MYCBP2: variants seen among roughly 807,000 people sequenced by gnomAD.
The protein encoded by MYCBP2 is MYC binding protein 2.
MYCBP2 carries 120 observed loss-of-function variants against 525.3 expected under a neutral mutation model. The ratio of observed to expected loss-of-function variants is 0.23; its 90% CI spans 0.20 to 0.27. The LOEUF is 0.27. Among genes scored for constraint, MYCBP2 ranks in the 10% least tolerant of loss-of-function variants. The probability of loss-of-function intolerance (pLI) is 1.00; values close to 1 mark genes in which losing one functional copy is unlikely to be tolerated. For missense variants in MYCBP2, 4,149 were observed against 5,657.1 expected (o/e 0.73, Z 8.55); for synonymous variants, 1,894 against 1,955.8 (o/e 0.97, Z 0.83).
chr13:77,112,149 G>A (rs774339328), intron 55 of MYCBP2, among the ~76,000 whole-genome samples: 54 of 151,818 alleles, frequency 3.6e-4, no homozygotes, highest in Non-Finnish European at 7.4e-4. Flanking sequence ...GAGCTGATAA[G>A]TGCTTCCTAT....
At chr13:77,116,971 A>C (rs1218790894) in intron 55 of MYCBP2, among the ~76,000 whole-genome samples, 3 of 152,042 alleles carry the variant, frequency 2.0e-5, no homozygotes, top group Non-Finnish European at 4.4e-5. Flanking sequence ...TTTCATTTAA[A>C]ACTGAATTTG....
intron 79 of MYCBP2, 131 bp downstream of exon 79, chr13:77,056,855 T>G (rs1010698551): frequency 2.3e-5 from 15 of 653,160 alleles, no homozygotes; most frequent in Non-Finnish European, 4.1e-5. Context: ...AGGTTCCACA[T>G]GAATGAGAAG....
At chr13:77,202,984 C>A (rs1198566542) in intron 26 of MYCBP2, among the ~76,000 whole-genome samples, 3 of 151,734 alleles carry the variant, frequency 2.0e-5, no homozygotes, top group African/African-American at 4.8e-5. Context: ...AAAACTGGCA[C>A]AAGACAGGGA....
chr13:77,074,906 G>A (rs2042022063), intron 68 of MYCBP2, among the ~76,000 whole-genome samples: 1 of 152,170 alleles, frequency 6.6e-6, no homozygotes, highest in Admixed American at 6.5e-5. Flanking sequence ...GGGGAGTGAT[G>A]TGTTTTAAAA....
intron 44 of MYCBP2, among the ~76,000 whole-genome samples, chr13:77,161,065 C>A (rs2057857946): frequency 6.6e-6 from 1 of 152,070 alleles, no homozygotes; most frequent in South Asian, 2.1e-4. Context: ...AAAATTTTCC[C>A]CATCACTGAT....
Position 77,146,643 on chromosome 13 carries a change from C to A in MYCBP2, c.7132-426G>T, listed in dbSNP as rs562555000. ...AAAAAAAGACAGTCAAGACAATTCT[C>A]TGAAGAAGAAATCTGAAAGGTCAAT... On this transcript the variant is annotated intron_variant, in intron 47 of 82. Coordinates refer to ENST00000544440, the MANE Select transcript of MYCBP2 (RefSeq NM_015057.5). Among the ~76,000 whole-genome samples, 23 of 152,188 alleles carry A rather than the reference C, an allele frequency of 1.5e-4. No individual in the cohort carries two copies. In the East Asian group the frequency reaches 2.3e-3, roughly 15 times the overall value.
chr13:77,199,447 C>T (rs4884059), intron 26 of MYCBP2, among the ~76,000 whole-genome samples: 87,241 of 151,924 alleles, frequency 0.57, 28,448 homozygotes, highest in Non-Finnish European at 0.73. Flanking sequence ...AACTGCAAGG[C>T]GGCAGCGAGG....
In MYCBP2 at chr13:77,097,751, C is replaced by G; in HGVS notation, c.9403G>C (p.Asp3135His). 1 of 1,613,536 alleles carries G rather than the reference C, an allele frequency of 6.2e-7. No individual in the cohort carries two copies. Among genetic ancestry groups the G allele is most frequent in the South Asian group, 1.1e-5 (1 of 91,040 alleles). Reference sequence around the variant, plus strand: ...TCAAAAGTGGTCTCGGTTTTCCCATCCTCACATTTTTCATGCAGAGGTGGT... The same window carrying G: ...TCAAAAGTGGTCTCGGTTTTCCCATGCTCACATTTTTCATGCAGAGGTGGT... ...KEPPLHEKCE[D>H]GKTETTFEMS... Residue 3135 changes from aspartate to histidine, a missense_variant, in exon 56 of 83, where the codon GAT (aspartate) becomes CAT (histidine). Coordinates refer to ENST00000544440, the MANE Select transcript of MYCBP2 (RefSeq NM_015057.5).
chr13:77,221,255 A>G (rs1419061431), intron 20 of MYCBP2, among the ~76,000 whole-genome samples: 4 of 152,180 alleles, frequency 2.6e-5, no homozygotes, highest in Non-Finnish European at 5.9e-5. Flanking sequence ...TATTGCTACA[A>G]TATTATTACC....
rs929956904 is a variant in MYCBP2 at position 77,194,335 on chromosome 13, T to C, written c.3844-91A>G. The C allele has an allele frequency of 5.8e-6, 5 of 859,420 alleles. No individual in the cohort carries two copies. In the African/African-American group the frequency reaches 6.7e-5, roughly 11 times the overall value. The allele number at this position is 859,420 out of a possible 1,614,324, so 53.2% of individuals were successfully genotyped here. A position where few individuals can be genotyped will look rare whatever the true frequency, so the allele number is the denominator to read the frequency against. On this transcript the variant is annotated intron_variant, in intron 26 of 82. Transcript: ENST00000544440. ...CATAATTTTGTGCATGATGAATGTA[T>C]GCTGGACCATACCAAATGTAAAAAA...
At chr13:77,061,132 G>A in intron 76 of MYCBP2, 37 bp downstream of exon 76, 1 of 1,556,140 alleles carries the variant, frequency 6.4e-7, no homozygotes, top group Non-Finnish European at 8.6e-7. Flanking sequence ...TTTTTTTGTG[G>A]GTTTTAAAGG....
chr13:77,197,202 T>A (rs895273161), intron 26 of MYCBP2, among the ~76,000 whole-genome samples: 1 of 152,124 alleles, frequency 6.6e-6, no homozygotes, highest in Non-Finnish European at 1.5e-5. Flanking sequence ...AAAATCTGAC[T>A]GGAGTAGGCT....
intron 61 of MYCBP2, 113 bp from the exon 62 acceptor site, chr13:77,087,746 T>A: frequency 1.1e-6 from 1 of 924,524 alleles, no homozygotes; most frequent in Non-Finnish European, 1.6e-6. Flanking sequence ...CTAGAAAATC[T>A]TTTTTAATTA....
chr13:77,076,066 A>G (rs1206695585), intron 68 of MYCBP2: 1 of 152,220 alleles, frequency 6.6e-6, no homozygotes, highest in Non-Finnish European at 1.5e-5. Context: ...TTGCAAATGG[A>G]TGAAGTACAA....
intron 81 of MYCBP2, among the ~76,000 whole-genome samples, chr13:77,051,532 AAAAG>A (rs2036815647): frequency 1.3e-5 from 2 of 152,244 alleles, no homozygotes; most frequent in African/African-American, 2.4e-5. Context: ...GGGAAAACCT[AAAAG>A]TTTCACTGCA....
At chr13:77,134,977 T>A (rs1413604818) in intron 52 of MYCBP2, among the ~76,000 whole-genome samples, 1 of 152,210 alleles carries the variant, frequency 6.6e-6, no homozygotes, top group Non-Finnish European at 1.5e-5. Flanking sequence ...ATTATAGTAA[T>A]CTTATTTTTA....
intron 60 of MYCBP2, 104 bp from the exon 61 acceptor site, chr13:77,089,135 G>T: frequency 1.2e-6 from 1 of 811,300 alleles, no homozygotes; most frequent in Non-Finnish European, 1.8e-6. Context: ...TTGGTTTTTT[G>T]AACATGACAC....
intron 44 of MYCBP2, among the ~76,000 whole-genome samples, chr13:77,159,602 C>T (rs1036751329): frequency 6.6e-6 from 1 of 152,108 alleles, no homozygotes; most frequent in Non-Finnish European, 1.5e-5. Flanking sequence ...GCAGACTTCC[C>T]CCTTGCTGTT....
chr13:77,067,821 C>G lies in MYCBP2; in HGVS notation c.12215G>C (p.Ser4072Thr). 1.2e-6 allele frequency: 2 copies of G among 1,614,058 alleles called. No individual in the cohort carries two copies. Among genetic ancestry groups the G allele is most frequent in the Non-Finnish European group, 1.7e-6 (2 of 1,179,952 alleles). ...CACTCCTATGATGCTGGCCAGACGA[C>G]TAGGGGTTACTTCAGGCAAAACTCT... ...LRRVLPEVTP[S>T]RLASIIGVKS... Residue 4072 changes from serine (S) to threonine (T), a missense_variant, in exon 71 of 83, where the codon AGT (serine) becomes ACT (threonine). Ser to Thr is a moderately conservative substitution (Grantham distance 58). Transcript: ENST00000544440.
Sources: gnomAD v4.1 joint callset for allele counts (sites outside exome capture counted in the v4.1 genomes callset) on GRCh38, gnomAD v4.1.1 for gene constraint, MANE v1.5 for transcripts, NCBI Gene and HGNC (gene_info 2026-07-23, HGNC 2026-07-21) for gene names.